The following IQSEC1 variants were observed in gnomAD, a reference collection of about 807,000 sequenced individuals.
IQSEC1 encodes the protein IQ motif and Sec7 domain ArfGEF 1.
IQSEC1 carries 31 observed loss-of-function variants against 91.0 expected under a neutral mutation model. The observed-to-expected ratio is 0.34, with a 90% CI of 0.26 to 0.46. The LOEUF is 0.46. IQSEC1 is among the 20% of genes least tolerant of loss of function. IQSEC1 has a pLI of 1.00. For synonymous variants in IQSEC1, 699 were observed against 662.6 expected, an observed-to-expected ratio of 1.05 and a Z score of -0.84; for missense variants, 1,388 against 1,575.6, an observed-to-expected ratio of 0.88 and a Z score of 2.02.
chr3:13,192,447 A>C (rs1694052938), intron 1 of IQSEC1, among the ~76,000 whole-genome samples: 1 of 152,156 alleles, frequency 6.6e-6, no homozygotes, highest in Non-Finnish European at 1.5e-5. Context: ...CCTGCTGTCT[A>C]TAACGCGAGG....
intron 1 of IQSEC1, among the ~76,000 whole-genome samples, chr3:13,198,675 G>C (rs546561502): frequency 1.3e-5 from 2 of 152,170 alleles, no homozygotes; most frequent in African/African-American, 4.8e-5. Flanking sequence ...GGCTGGCTGC[G>C]TCCTCTTACA....
intron 6 of IQSEC1, among the ~76,000 whole-genome samples, chr3:12,917,143 C>T (rs1696170552): frequency 6.6e-6 from 1 of 152,202 alleles, no homozygotes; most frequent in African/African-American, 2.4e-5. Context: ...AGAAGGCAGA[C>T]TTCCCATGTA....
At chr3:12,919,911 C>T (rs567012550) in intron 6 of IQSEC1, among the ~76,000 whole-genome samples, 1 of 152,218 alleles carries the variant, frequency 6.6e-6, no homozygotes, top group African/African-American at 2.4e-5. Flanking sequence ...AGCACATGCC[C>T]ACCTCCCTGA....
intron 2 of IQSEC1, among the ~76,000 whole-genome samples, chr3:13,109,814 A>T: frequency 6.7e-6 from 1 of 149,024 alleles, no homozygotes; most frequent in Admixed American, 6.7e-5. Flanking sequence ...TAAATAAATT[A>T]CCCAGTCTCA....
At chr3:13,087,381 C>T (rs1035609836) in intron 2 of IQSEC1, among the ~76,000 whole-genome samples, 28 of 152,136 alleles carry the variant, frequency 1.8e-4, no homozygotes, top group Non-Finnish European at 2.2e-4. Flanking sequence ...GAGAGGCTCT[C>T]GGTGCAGAAA....
chr3:13,139,029 TG>T (rs1706757580), intron 2 of IQSEC1, among the ~76,000 whole-genome samples: 3 of 152,040 alleles, frequency 2.0e-5, no homozygotes, highest in Admixed American at 6.5e-5. Flanking sequence ...ACAACCAGCA[TG>T]GGAATGATAG....
intron 1 of IQSEC1, among the ~76,000 whole-genome samples, chr3:13,019,075 C>T (rs534798347): frequency 2.6e-5 from 4 of 152,250 alleles, no homozygotes; most frequent in Non-Finnish European, 4.4e-5. Context: ...TGGCTCCCCC[C>T]CAACTCTACA....
rs1008995139 is a variant in IQSEC1 at position 13,259,216 on chromosome 3, T to G, written c.272+23495A>C. On this transcript the variant is annotated intron_variant, in intron 1 of 15. Transcript: ENST00000648114. This position sits in a 1 kb window ranked among gnomAD's most constrained non-coding sequence, Gnocchi z 4.6. Reference sequence around the variant, plus strand: ...ATGCAGGCCCTGGGACGGGACAGTTTCCACTGGAGCAGGACCTGGACAAGA... The same window carrying G: ...ATGCAGGCCCTGGGACGGGACAGTTGCCACTGGAGCAGGACCTGGACAAGA... Among the ~76,000 whole-genome samples the G allele has an allele frequency of 9.2e-5, 14 of 152,144 alleles. No homozygotes were observed. The highest frequency in any genetic ancestry group is 3.1e-4 in the African/African-American group (13 of 41,444).
intron 2 of IQSEC1, among the ~76,000 whole-genome samples, chr3:13,114,629 T>C (rs898460017): frequency 4.0e-5 from 6 of 151,862 alleles, no homozygotes; most frequent in Non-Finnish European, 8.8e-5. Flanking sequence ...CTGTCTCTAC[T>C]AAAAATACAA....
chr3:12,915,529 G>A (rs1025314068), intron 7 of IQSEC1, 65 bp downstream of exon 7: 5 of 1,562,952 alleles, frequency 3.2e-6, no homozygotes, highest in Non-Finnish European at 4.4e-6. Context: ...GGAGTGAGAA[G>A]GCCTGGCAGG....
chr3:13,152,248 A>T (rs528235803), intron 2 of IQSEC1, among the ~76,000 whole-genome samples: 1 of 152,320 alleles, frequency 6.6e-6, no homozygotes, highest in African/African-American at 2.4e-5. Flanking sequence ...TTCTGGGAAC[A>T]TAATGAAGAA....
intron 2 of IQSEC1, among the ~76,000 whole-genome samples, chr3:13,133,118 G>A (rs1706648553): frequency 1.3e-5 from 2 of 152,238 alleles, no homozygotes; most frequent in African/African-American, 4.8e-5. Flanking sequence ...TGGAGGAAAG[G>A]CTAGAGGGGC....
intron 1 of IQSEC1, among the ~76,000 whole-genome samples, chr3:12,952,877 C>T (rs1699649818): frequency 6.6e-6 from 1 of 152,212 alleles, no homozygotes; most frequent in Admixed American, 6.5e-5. Flanking sequence ...GGGATGAGGG[C>T]TCCAAGAAGG....
intron 1 of IQSEC1, among the ~76,000 whole-genome samples, chr3:13,012,329 C>G (rs1424168153): frequency 6.6e-6 from 1 of 152,156 alleles, no homozygotes; most frequent in Non-Finnish European, 1.5e-5. Context: ...CTCCATTGCT[C>G]CTAAAATCTA....
At chr3:12,928,344 G>A (rs934927162) in intron 3 of IQSEC1, among the ~76,000 whole-genome samples, 1 of 152,220 alleles carries the variant, frequency 6.6e-6, no homozygotes, top group Admixed American at 6.5e-5. Context: ...CACCCGGCAG[G>A]CCTCAAGGGC....
At chr3:13,109,884 CTT>C (rs34511430) in intron 2 of IQSEC1, among the ~76,000 whole-genome samples, 13 of 123,202 alleles carry the variant, frequency 1.1e-4, no homozygotes, top group Admixed American at 2.5e-4. Flanking sequence ...GGGATAAATT[CTT>C]TTTTTTTTTT....
chr3:13,139,859 G>A (rs1053976798), intron 2 of IQSEC1, among the ~76,000 whole-genome samples: 2 of 152,140 alleles, frequency 1.3e-5, no homozygotes, highest in African/African-American at 2.4e-5. Context: ...ATGAACACCC[G>A]CGGTATGGCA....
chr3:12,924,499 C>T lies in IQSEC1; in HGVS notation c.1730+82G>A. 1 of 1,422,942 alleles carries T rather than the reference C, an allele frequency of 7.0e-7. No individual in the cohort carries two copies. The highest frequency in any genetic ancestry group is 9.5e-7 in the Non-Finnish European group (1 of 1,053,992). 88.1% of individuals were successfully genotyped at this position (1,422,942 alleles called of 1,614,324 possible). Reference sequence around the variant, plus strand: ...TCCCAGCAAGTAGGGTGGGCCTGGCCCTGTGTGTGCCCACGGGTAACACAG... The same window carrying T: ...TCCCAGCAAGTAGGGTGGGCCTGGCTCTGTGTGTGCCCACGGGTAACACAG... On this transcript the variant is annotated intron_variant, in intron 4 of 13. Transcript: ENST00000613206. This position sits in a 1 kb window ranked among gnomAD's most constrained non-coding sequence, Gnocchi z 6.3.
intron 1 of IQSEC1, among the ~76,000 whole-genome samples, chr3:13,281,253 T>G (rs917072110): frequency 2.0e-5 from 3 of 152,050 alleles, no homozygotes; most frequent in African/African-American, 4.8e-5. Flanking sequence ...TGAGACCAGC[T>G]CCGGGAGACC....
Sources: gnomAD v4.1 joint callset for allele counts (sites outside exome capture counted in the v4.1 genomes callset) on GRCh38, gnomAD v4.1.1 for gene constraint, Gnocchi (gnomAD v3.1) non-coding constraint, MANE v1.5 for transcripts, NCBI Gene and HGNC (gene_info 2026-07-23, HGNC 2026-07-21) for gene names.